Variants in POC1A observed in about 807,000 individuals in gnomAD.
POC1A encodes the protein POC1 centriolar protein A.
A neutral mutation model predicts 47.8 loss-of-function variants in POC1A; 34 were observed. That is an observed-to-expected ratio of 0.71 (90% CI 0.54 to 0.95). The LOEUF is 0.95. Among genes scored for constraint, POC1A ranks in the 40% least tolerant of loss-of-function variants. POC1A has a pLI of 0.00. For missense variants in POC1A, 466 were observed against 528.3 expected (o/e 0.88, Z 1.16); for synonymous variants, 177 against 207.6 (o/e 0.85, Z 1.27).
rs377711159 is a variant in POC1A, at chr3:52,149,932, G to A, written c.159C>T (p.Arg53=). 3.5e-4 allele frequency: 562 copies of A among 1,613,840 alleles called. 1 individual carries two copies. The highest frequency in any genetic ancestry group is 9.9e-4 in the Middle Eastern group (6 of 6,062). The change falls in exon 3 of 11, where the codon CGC becomes CGT. Residue 53 remains arginine (R), a synonymous_variant. Transcript: ENST00000296484. ...LMVWHMKPQS[R]AYRFTGHKDA... The stretch of plus-strand genomic sequence containing the variant: ...CCTTGTGGCCAGTGAAGCGGTAGGC[G>A]CGTGACTGCGGCTTCATGTGCCAGA...
intron 10 of POC1A, 90 bp from the exon 11 acceptor site, chr3:52,076,075 C>CGG: frequency 1.1e-6 from 1 of 908,736 alleles, no homozygotes; most frequent in Non-Finnish European, 1.8e-6. Context: ...TTGGCTGCCT[C>CGG]AGCCACTGCC....
intron 9 of POC1A, among the ~76,000 whole-genome samples, chr3:52,111,810 C>T (rs1239613160): frequency 2.0e-5 from 3 of 152,142 alleles, no homozygotes; most frequent in Non-Finnish European, 4.4e-5. Context: ...AGGATGGGAG[C>T]TGGCCTAGGC....
chr3:52,142,101 C>T (rs1698216767), intron 6 of POC1A, among the ~76,000 whole-genome samples: 1 of 152,264 alleles, frequency 6.6e-6, no homozygotes, highest in Admixed American at 6.5e-5. Context: ...AGCTTTCTAG[C>T]TGTGTGACTG....
intron 4 of POC1A, among the ~76,000 whole-genome samples, chr3:52,147,708 T>A (rs1698414749): frequency 6.6e-6 from 1 of 152,148 alleles, no homozygotes; most frequent in Admixed American, 6.5e-5. Flanking sequence ...CCACCCAAAG[T>A]GCTAGGATTA....
intron 6 of POC1A, among the ~76,000 whole-genome samples, chr3:52,139,624 C>T (rs910282138): frequency 6.6e-6 from 1 of 152,180 alleles, no homozygotes; most frequent in Non-Finnish European, 1.5e-5. Flanking sequence ...AGCCTCCCAT[C>T]GGTTCACTCT....
At chr3:52,149,653 G>T (rs923207511) in intron 3 of POC1A, among the ~76,000 whole-genome samples, 163 bp downstream of exon 3, 4 of 152,178 alleles carry the variant, frequency 2.6e-5, no homozygotes, top group African/African-American at 7.2e-5. Context: ...AACCCTGAGG[G>T]GAGGGCTCCA....
At chr3:52,087,110 AG>A (rs1702483573) in intron 10 of POC1A, among the ~76,000 whole-genome samples, 1 of 152,202 alleles carries the variant, frequency 6.6e-6, no homozygotes, top group Non-Finnish European at 1.5e-5. Context: ...TGGGGCGGGC[AG>A]TAGGAGGGGC....
intron 9 of POC1A, among the ~76,000 whole-genome samples, chr3:52,102,166 C>T (rs1276742918): frequency 6.6e-6 from 1 of 152,006 alleles, no homozygotes; most frequent in East Asian, 1.9e-4. Flanking sequence ...TGGTTTGATG[C>T]CTTTCATTAT....
At chr3:52,101,568 A>G (rs927147504) in intron 9 of POC1A, among the ~76,000 whole-genome samples, 1 of 152,234 alleles carries the variant, frequency 6.6e-6, no homozygotes, top group African/African-American at 2.4e-5. Context: ...GGCAGAAATT[A>G]TAAGAAAGAG....
At chr3:52,085,234 C>A (rs572207254) in intron 10 of POC1A, among the ~76,000 whole-genome samples, 1 of 152,292 alleles carries the variant, frequency 6.6e-6, no homozygotes, top group Non-Finnish European at 1.5e-5. Context: ...CCTGCCCCAG[C>A]TGGGCTCCTC....
intron 9 of POC1A, among the ~76,000 whole-genome samples, chr3:52,116,138 A>G (rs1482851063): frequency 6.6e-6 from 1 of 152,158 alleles, no homozygotes; most frequent in Admixed American, 6.5e-5. Context: ...GATCTTAAAA[A>G]TCCACAGGCA....
intron 9 of POC1A, among the ~76,000 whole-genome samples, chr3:52,114,737 T>A (rs900268408): frequency 6.6e-6 from 1 of 152,146 alleles, no homozygotes; most frequent in Non-Finnish European, 1.5e-5. Context: ...GAGCCAGAGA[T>A]GGGCCACCTG....
chr3:52,143,979 A>G (rs922659426), intron 6 of POC1A, among the ~76,000 whole-genome samples: 4 of 152,170 alleles, frequency 2.6e-5, no homozygotes, highest in African/African-American at 9.7e-5. Flanking sequence ...GGACCCTCCC[A>G]GGGTCACCTA....
intron 10 of POC1A, among the ~76,000 whole-genome samples, chr3:52,093,189 CTTGTTTCCA>C (rs1702701756): frequency 6.6e-6 from 1 of 152,246 alleles, no homozygotes; most frequent in Non-Finnish European, 1.5e-5. Flanking sequence ...TGGACTCCCA[CTTGTTTCCA>C]GTTATTCCAG....
In POC1A at chr3:52,154,356, G is replaced by A; in HGVS notation, c.17C>T (p.Ala6Val). The change falls in exon 1 of 11, where the codon GCG (alanine) becomes GTG (valine). Residue 6 changes from alanine to valine, a missense_variant and splice_region_variant. Physicochemically the swap from Ala to Val is moderately conservative, Grantham distance 64. Coordinates refer to ENST00000296484, the MANE Select transcript of POC1A (RefSeq NM_015426.5). ...GGAGTTGCTCTCGGCTGGGCTTACC[G>A]CGCAGGGCGCAGCCATGGCGGGGCT... MAAPC[A>V]EDPSLERHFK... 6.5e-7 allele frequency: 1 copy of A among 1,543,508 alleles called. No homozygotes were observed. The highest frequency in any genetic ancestry group is 1.4e-5 in the African/African-American group (1 of 69,984).
intron 10 of POC1A, among the ~76,000 whole-genome samples, chr3:52,086,676 C>T (rs1702465510): frequency 6.6e-6 from 1 of 152,226 alleles, no homozygotes; most frequent in Non-Finnish European, 1.5e-5. Flanking sequence ...ACAGGGCCTG[C>T]AGCACCTTCA....
chr3:52,139,857 C>A (rs1221629431), intron 6 of POC1A, among the ~76,000 whole-genome samples: 1 of 152,184 alleles, frequency 6.6e-6, no homozygotes, highest in Non-Finnish European at 1.5e-5. Flanking sequence ...GGGCAGTCTA[C>A]GTGGGGACAG....
At chr3:52,078,403 T>A (rs755071614) in intron 10 of POC1A, among the ~76,000 whole-genome samples, 3 of 152,062 alleles carry the variant, frequency 2.0e-5, no homozygotes, top group African/African-American at 7.2e-5. Context: ...TCTTAAAAAT[T>A]TTTATATTTT....
intron 6 of POC1A, among the ~76,000 whole-genome samples, chr3:52,141,163 C>T (rs1257173107): frequency 2.0e-5 from 3 of 152,210 alleles, no homozygotes; most frequent in Non-Finnish European, 4.4e-5. Flanking sequence ...AGCCCCTGCT[C>T]CCAAATACCA....
Sources: allele counts gnomAD v4.1 joint callset (sites outside exome capture counted in the v4.1 genomes callset), GRCh38; gene constraint gnomAD v4.1.1; transcripts MANE v1.5; gene names NCBI Gene and HGNC (gene_info 2026-07-23, HGNC 2026-07-21).